Variants in SLC34A2 observed in about 807,000 individuals in gnomAD.
SLC34A2 encodes the protein sodium-dependent phosphate transport protein 2B.
Under a neutral mutation model 50.8 loss-of-function variants are expected in SLC34A2, and 41 were observed. The ratio of observed to expected loss-of-function variants is 0.81; its 90% CI spans 0.63 to 1.05. The LOEUF (loss-of-function observed/expected upper bound fraction) is 1.05, where lower values mean the gene tolerates loss of function less well. SLC34A2 is among the 50% of genes least tolerant of loss of function. The probability of loss-of-function intolerance (pLI) is 0.00; values close to 1 mark genes in which losing one functional copy is unlikely to be tolerated. For synonymous variants in SLC34A2, 401 were observed against 364.2 expected (o/e 1.10, Z -1.15); for missense variants, 879 against 876.7 (o/e 1.00, Z -0.03).
intron 1 of SLC34A2, among the ~76,000 whole-genome samples, chr4:25,661,269 G>A (rs1000003275): frequency 4.6e-5 from 7 of 152,184 alleles, no homozygotes; most frequent in Non-Finnish European, 1.5e-5. Context: ...AAAGGGACTT[G>A]CCTAAATACA....
Position 25,674,408 on chromosome 4 carries a change from G to A in SLC34A2, c.1329G>A (p.Leu443=), listed in dbSNP as rs938494879. 1.2e-5 allele frequency: 19 copies of A among 1,614,060 alleles called. No individual in the cohort carries two copies. Among genetic ancestry groups the A allele is most frequent in the Non-Finnish European group, 1.6e-5 (19 of 1,180,014 alleles). ...TGTTCACGTCGGCCTTGACCCCCCTGATTGGTGAGTTACACCCTGGCTTCT... is the reference window on the plus strand; with the variant it reads ...TGTTCACGTCGGCCTTGACCCCCCTAATTGGTGAGTTACACCCTGGCTTCT... ...SSVFTSALTP[L]IGIGVITIER... The change falls in exon 11 of 13, where the codon CTG becomes CTA. Residue 443 remains leucine (L), a synonymous_variant. Transcript: ENST00000382051.
In SLC34A2 at chr4:25,674,513, G is replaced by A. The variant is rs76854178; in HGVS notation, c.1342G>A (p.Val448Met). The A allele has an allele frequency of 9.2e-5, 148 of 1,614,078 alleles. No homozygotes were observed. Among genetic ancestry groups the A allele is most frequent in the South Asian group, 1.8e-4 (16 of 91,086 alleles). The change falls in exon 12 of 13, where the codon GTG (valine) becomes ATG (methionine). Residue 448 changes from valine to methionine, a missense_variant. Coordinates refer to ENST00000382051, the MANE Select transcript of SLC34A2 (RefSeq NM_006424.3). Reference sequence around the variant, plus strand: ...TTTTGTGTTTCCCCCAGGAATCGGCGTGATAACCATTGAGAGGGCTTATCC... The same window carrying A: ...TTTTGTGTTTCCCCCAGGAATCGGCATGATAACCATTGAGAGGGCTTATCC... ...SALTPLIGIG[V>M]ITIERAYPLT...
Position 25,676,798 on chromosome 4 carries a change from A to C in SLC34A2, c.*49A>C, listed in dbSNP as rs764975064. ...TGGGGGGATGGTCCTTGAGTTTTGC[A>C]TGCTCTCCTCCCTCCCACTTCTGCA... On this transcript the variant is annotated 3_prime_UTR_variant, in exon 13 of 13. Transcript: ENST00000382051. 1 of 1,611,904 alleles carries C rather than the reference A, an allele frequency of 6.2e-7. No individual in the cohort carries two copies. Among genetic ancestry groups the C allele is most frequent in the Non-Finnish European group, 8.5e-7 (1 of 1,179,096 alleles).
intron 4 of SLC34A2, among the ~76,000 whole-genome samples, chr4:25,665,831 G>A (rs1714465820): frequency 6.6e-6 from 1 of 152,176 alleles, no homozygotes; most frequent in Non-Finnish European, 1.5e-5. Flanking sequence ...TGAAGAGTGG[G>A]AGGATGCAGG....
intron 6 of SLC34A2, among the ~76,000 whole-genome samples, chr4:25,668,423 C>G (rs556768342): frequency 2.2e-4 from 34 of 152,144 alleles, no homozygotes; most frequent in Admixed American, 1.4e-3. Flanking sequence ...GAGGCCCAGG[C>G]GGGTGGATCG....
At chr4:25,667,259 C>A (rs1371657139) in intron 5 of SLC34A2, among the ~76,000 whole-genome samples, 2 of 152,222 alleles carry the variant, frequency 1.3e-5, no homozygotes, top group South Asian at 4.1e-4. Flanking sequence ...CGCCTATAAT[C>A]CCAGCACTCT....
chr4:25,671,902 TGACAG>T (rs1405247530), intron 9 of SLC34A2, among the ~76,000 whole-genome samples, 181 bp downstream of exon 9: 1 of 152,164 alleles, frequency 6.6e-6, no homozygotes. Flanking sequence ...GGAACTGAGG[TGACAG>T]GCCTGAGGTC....
In SLC34A2 at chr4:25,669,721, C is replaced by T. The variant is rs1354569469; in HGVS notation, c.710C>T (p.Ala237Val). The T allele has an allele frequency of 1.2e-6, 2 of 1,614,134 alleles. No homozygotes were observed. Among genetic ancestry groups the T allele is most frequent in the East Asian group, 4.5e-5 (2 of 44,890 alleles). ...TTGGTGCTCTTGCCCGTGGAGGTGG[C>T]CACCCATTACCTCGAGATCATAACC... ...SVLVLLPVEV[A>V]THYLEIITQL... is the part of the protein sequence containing the mutation. Residue 237 changes from alanine to valine, a missense_variant, in exon 7 of 13, where the codon GCC becomes GTC. Physicochemically the swap from Ala to Val is moderately conservative, Grantham distance 64. Coordinates refer to ENST00000382051, the MANE Select transcript of SLC34A2 (RefSeq NM_006424.3).
At chr4:25,666,344 G>A in intron 5 of SLC34A2, 73 bp downstream of exon 5, 1 of 1,556,736 alleles carries the variant, frequency 6.4e-7, no homozygotes, top group Non-Finnish European at 8.8e-7. Flanking sequence ...GGAAGGACGG[G>A]GGAGGAATTC....
Position 25,676,184 on chromosome 4 carries a change from A to G in SLC34A2, c.1508A>G (p.Tyr503Cys). 6.2e-7 allele frequency: 1 copy of G among 1,613,938 alleles called. No individual in the cohort carries two copies. The highest frequency in any genetic ancestry group is 2.2e-5 in the East Asian group (1 of 44,860). Residue 503 changes from tyrosine (Y) to cysteine (C), a missense_variant, in exon 13 of 13, where the codon TAC becomes TGC. By Grantham distance (194) the Tyr-to-Cys change is radical. Coordinates refer to ENST00000382051, the MANE Select transcript of SLC34A2 (RefSeq NM_006424.3). ...FFNISGILLW[Y>C]PIPFTRLPIR... is the part of the protein sequence containing the mutation. ...AACATCTCCGGCATCTTGCTGTGGT[A>G]CCCGATCCCGTTCACTCGCCTGCCC...
intron 10 of SLC34A2, among the ~76,000 whole-genome samples, chr4:25,673,638 G>A (rs75228217): frequency 0.04 from 6,076 of 152,274 alleles, 148 homozygotes; most frequent in Middle Eastern, 0.082. Context: ...GAAATGTGAT[G>A]CATAAATACA....
rs114098271 is a variant in SLC34A2, at chr4:25,662,815, C to T, written c.223C>T (p.Leu75Phe). The change falls in exon 3 of 13, where the codon CTT (leucine) becomes TTT (phenylalanine). Residue 75 changes from leucine to phenylalanine, a missense_variant. Transcript: ENST00000382051. ...EVDDPWNLPT[L>F]QDSGIKWSER... ...GGATGACCCCTGGAACCTACCCACT[C>T]TTCAGGACTCGGGGATCAAGTGGTC... 17 of 1,614,104 alleles carry T rather than the reference C, an allele frequency of 1.1e-5. No individual in the cohort carries two copies. Among genetic ancestry groups the T allele is most frequent in the Non-Finnish European group, 1.4e-5 (16 of 1,180,016 alleles).
rs556370844 is a variant in SLC34A2 at position 25,662,841 on chromosome 4, A to T, written c.249A>T (p.Ser83=). Residue 83 remains serine, a splice_region_variant and synonymous_variant, in exon 3 of 13, where the codon TCA becomes TCT. Transcript: ENST00000382051. ...PTLQDSGIKW[S]ERDTKGKILC... ...TTCAGGACTCGGGGATCAAGTGGTC[A>T]GGTAAAAGTGAGGCCAGCTGAGACA... is the stretch of plus-strand genomic sequence containing the variant. 2 of 1,614,122 alleles carry T rather than the reference A, an allele frequency of 1.2e-6. No individual in the cohort carries two copies. Among genetic ancestry groups the T allele is most frequent in the East Asian group, 4.5e-5 (2 of 44,868 alleles).
intron 1 of SLC34A2, 63 bp from the exon 2 acceptor site, chr4:25,662,435 T>A: frequency 7.0e-7 from 1 of 1,424,752 alleles, no homozygotes; most frequent in Admixed American, 1.7e-5. Context: ...GTTCTTCCTC[T>A]TATAGCATCT....
At chr4:25,657,700 A>G (rs1713961690) in intron 1 of SLC34A2, among the ~76,000 whole-genome samples, 1 of 152,222 alleles carries the variant, frequency 6.6e-6, no homozygotes, top group Admixed American at 6.5e-5. Flanking sequence ...TGTGAGGCCC[A>G]GGCCAATTGC....
Position 25,662,784 on chromosome 4 carries a change from T to G in SLC34A2, c.192T>G (p.Thr64=), listed in dbSNP as rs1577491647. 6.2e-7 allele frequency: 1 copy of G among 1,614,094 alleles called. No individual in the cohort carries two copies. The highest frequency in any genetic ancestry group is 8.5e-7 in the Non-Finnish European group (1 of 1,180,016). Residue 64 remains threonine (T), a synonymous_variant, in exon 3 of 13, where the codon ACT becomes ACG. Transcript: ENST00000382051. The part of the protein sequence containing the change: ...YSTATLIDEP[T]EVDDPWNLPT... ...CGGCTACACTGATAGATGAGCCCACTGAGGTGGATGACCCCTGGAACCTAC... is the reference window on the plus strand; with the variant it reads ...CGGCTACACTGATAGATGAGCCCACGGAGGTGGATGACCCCTGGAACCTAC...
chr4:25,669,793 C>A lies in SLC34A2; in HGVS notation c.782C>A (p.Pro261Gln), dbSNP rs1329663398. Residue 261 changes from proline (P) to glutamine (Q), a missense_variant, in exon 7 of 13, where the codon CCA becomes CAA. Coordinates refer to ENST00000382051, the MANE Select transcript of SLC34A2 (RefSeq NM_006424.3). The stretch of plus-strand genomic sequence containing the variant: ...CACTTCAAGAATGGAGAAGATGCCC[C>A]AGATCTTCTGAAAGTCATCACTAAG... ...SFHFKNGEDA[P>Q]DLLKVITKPF... is the part of the protein sequence containing the mutation. The A allele has an allele frequency of 1.2e-6, 2 of 1,614,092 alleles. No homozygotes were observed. The highest frequency in any genetic ancestry group is 1.7e-5 in the Admixed American group (1 of 60,020).
chr4:25,668,994 G>A (rs1257851219), intron 6 of SLC34A2, among the ~76,000 whole-genome samples: 1 of 151,782 alleles, frequency 6.6e-6, no homozygotes, highest in East Asian at 1.9e-4. Context: ...TGGAATCGAG[G>A]AGGAATCTTT....
Position 25,677,030 on chromosome 4 carries a change from A to C in SLC34A2, c.*281A>C. 1 of 497,750 alleles carries C rather than the reference A, an allele frequency of 2.0e-6. No homozygotes were observed. The highest frequency in any genetic ancestry group is 3.6e-6 in the Non-Finnish European group (1 of 275,988). 30.8% of individuals were successfully genotyped at this position (497,750 alleles called of 1,614,324 possible). The stretch of plus-strand genomic sequence containing the variant: ...ATGAACCTGGCGGGACGGATGTCTA[A>C]TCCTGCGCCTAGCTGGGTTGGTCAG... On this transcript the variant is annotated 3_prime_UTR_variant, in exon 13 of 13. Transcript: ENST00000382051.
Sources: gnomAD v4.1 joint callset for allele counts (sites outside exome capture counted in the v4.1 genomes callset) on GRCh38, gnomAD v4.1.1 for gene constraint, MANE v1.5 for transcripts, NCBI Gene and HGNC (gene_info 2026-07-23, HGNC 2026-07-21) for gene names.